The following BPGM variants were observed in gnomAD, a reference collection of about 807,000 sequenced individuals.
BPGM encodes bisphosphoglycerate mutase, also known as 2,3-bisphosphoglycerate mutase, erythrocyte.
A neutral mutation model predicts 21.6 loss-of-function variants in BPGM; 15 were observed. The ratio of observed to expected loss-of-function variants is 0.70; its 90% CI spans 0.47 to 1.07. The LOEUF (loss-of-function observed/expected upper bound fraction) is 1.07, where lower values mean the gene tolerates loss of function less well. Among genes scored for constraint, BPGM ranks in the 50% least tolerant of loss-of-function variants. BPGM has a pLI of 0.00. For synonymous variants in BPGM, 113 were observed against 116.2 expected (o/e 0.97, Z 0.18); for missense variants, 273 against 319.0 (o/e 0.86, Z 1.10).
rs6946952 is a variant in BPGM at position 134,658,190 on chromosome 7, G to T, written c.-61-3257G>T. On this transcript the variant is annotated intron_variant, in intron 1 of 2. Transcript: ENST00000344924. ...GGAGCTAAGTAGTAGGTACTCCTTT[G>T]ATTTTTTACATGAATTTTTAGGAGG... 0.58 allele frequency among the ~76,000 whole-genome samples: 88,377 copies of T among 151,796 alleles called. 26,712 individuals carry two copies. The highest frequency in any genetic ancestry group is 0.89 in the East Asian group (4,595 of 5,172).
intron 1 of BPGM, among the ~76,000 whole-genome samples, chr7:134,658,892 A>ATTTTTTT (rs1554411129): frequency 4.2e-5 from 6 of 143,900 alleles, no homozygotes; most frequent in African/African-American, 1.6e-4. Flanking sequence ...GTGTGTGTGT[A>ATTTTTTT]TTTTTTTTTT....
At chr7:134,674,927 T>A (rs147423944) in intron 2 of BPGM, among the ~76,000 whole-genome samples, 1 of 152,356 alleles carries the variant, frequency 6.6e-6, no homozygotes, top group Non-Finnish European at 1.5e-5. Flanking sequence ...CACACTTGTT[T>A]ATAATCTGAC....
chr7:134,670,706 T>G (rs954258882), intron 2 of BPGM, among the ~76,000 whole-genome samples: 1 of 152,180 alleles, frequency 6.6e-6, no homozygotes, highest in African/African-American at 2.4e-5. Flanking sequence ...TTATCACAGA[T>G]TGTCGGTGGG....
chr7:134,657,178 C>G (rs1795652173), intron 1 of BPGM, among the ~76,000 whole-genome samples: 1 of 152,168 alleles, frequency 6.6e-6, no homozygotes, highest in African/African-American at 2.4e-5. Flanking sequence ...TTCATTGTGC[C>G]TCGCATTATA....
chr7:134,678,812 T>C lies in BPGM; in HGVS notation c.602-41T>C, dbSNP rs771256038. On this transcript the variant is annotated intron_variant, in intron 2 of 2. Transcript: ENST00000344924. ...TAATTAAACAGAACTTCCTCCTGAG[T>C]TGTGTTTTAACACCTGGTCTCTTCC... 3 of 1,568,478 alleles carry C rather than the reference T, an allele frequency of 1.9e-6. No homozygotes were observed. In the South Asian group the frequency reaches 3.3e-5, roughly 17 times the overall value.
intron 2 of BPGM, among the ~76,000 whole-genome samples, chr7:134,674,574 G>A (rs558824727): frequency 1.3e-5 from 2 of 152,322 alleles, no homozygotes; most frequent in Admixed American, 1.3e-4. Context: ...CAAGAACCTT[G>A]TTGTGGTTTG....
At position 134,678,816 on chromosome 7, in the gene BPGM, GT is replaced by G. The variant is rs758248220; in HGVS notation, c.602-33del. ...TAAACAGAACTTCCTCCTGAGTTGT[GT>G]TTTAACACCTGGTCTCTTCCTGTCC... On this transcript the variant is annotated intron_variant, in intron 2 of 2. Transcript: ENST00000344924. The G allele has an allele frequency of 8.2e-6, 13 of 1,587,198 alleles. No individual in the cohort carries two copies. The Admixed American group carries it at 1.7e-4, about 20-fold the overall frequency.
intron 2 of BPGM, among the ~76,000 whole-genome samples, chr7:134,674,803 G>A (rs1351605778): frequency 2.0e-5 from 3 of 152,162 alleles, no homozygotes; most frequent in Non-Finnish European, 4.4e-5. Flanking sequence ...TGGGTCATAT[G>A]GTAGATCTGT....
intron 1 of BPGM, among the ~76,000 whole-genome samples, chr7:134,647,512 C>G (rs141763235): frequency 7.5e-4 from 114 of 152,298 alleles, no homozygotes; most frequent in African/African-American, 2.6e-3. Flanking sequence ...TTCTAAGGGA[C>G]GAGCTGGTAT....
intron 2 of BPGM, among the ~76,000 whole-genome samples, chr7:134,665,865 A>ATTTTCTTTTCTTTTCTTTTC (rs144380412): frequency 4.5e-4 from 68 of 150,430 alleles, no homozygotes; most frequent in African/African-American, 1.6e-3. Flanking sequence ...GATTAATGAC[A>ATTTTCTTTTCTTTTCTTTTC]TTTTCTTTTC....
At chr7:134,648,095 G>A (rs1043946542) in intron 1 of BPGM, among the ~76,000 whole-genome samples, 1 of 147,626 alleles carries the variant, frequency 6.8e-6, no homozygotes, top group Admixed American at 6.8e-5. Context: ...ACCGTGCCTG[G>A]CCTTGTCTTT....
intron 2 of BPGM, among the ~76,000 whole-genome samples, chr7:134,665,865 A>ATTTTCTTTTC (rs144380412): frequency 2.5e-4 from 38 of 150,428 alleles, no homozygotes; most frequent in African/African-American, 8.1e-4. Flanking sequence ...GATTAATGAC[A>ATTTTCTTTTC]TTTTCTTTTC....
chr7:134,671,834 G>A (rs959589152), intron 2 of BPGM, among the ~76,000 whole-genome samples: 2 of 152,150 alleles, frequency 1.3e-5, no homozygotes, highest in African/African-American at 2.4e-5. Context: ...TCTTGCAGTG[G>A]GTAAAGCACT....
In BPGM at chr7:134,675,366, A is replaced by G. The variant is rs1026568795; in HGVS notation, c.602-3487A>G. On this transcript the variant is annotated intron_variant, in intron 2 of 2. Coordinates refer to ENST00000344924, the MANE Select transcript of BPGM (RefSeq NM_001724.5). ...TTACTCCTATGGCTTTTTTTCTAAAAATTTTTACAATTTTAGCTCTTGACT... is the reference window on the plus strand; with the variant it reads ...TTACTCCTATGGCTTTTTTTCTAAAGATTTTTACAATTTTAGCTCTTGACT... Among the ~76,000 whole-genome samples the G allele has an allele frequency of 3.3e-5, 5 of 152,052 alleles. 1 individual carries two copies. The South Asian group carries it at 8.3e-4, about 25-fold the overall frequency.
At chr7:134,672,874 C>A (rs1795926587) in intron 2 of BPGM, among the ~76,000 whole-genome samples, 1 of 151,826 alleles carries the variant, frequency 6.6e-6, no homozygotes, top group African/African-American at 2.4e-5. Flanking sequence ...TCCTAATTTG[C>A]TGTTTTAAAA....
At chr7:134,670,850 G>T (rs1795892826) in intron 2 of BPGM, among the ~76,000 whole-genome samples, 1 of 151,770 alleles carries the variant, frequency 6.6e-6, no homozygotes, top group Non-Finnish European at 1.5e-5. Context: ...ACCGAATTGG[G>T]GTTTCTTCTT....
intron 1 of BPGM, among the ~76,000 whole-genome samples, chr7:134,659,533 C>G (rs775788907): frequency 8.5e-5 from 13 of 152,134 alleles, no homozygotes; most frequent in Non-Finnish European, 1.6e-4. Flanking sequence ...ACCTTTTGTT[C>G]CCTTCTCTGT....
At chr7:134,667,175 G>A (rs987037182) in intron 2 of BPGM, among the ~76,000 whole-genome samples, 25 of 152,182 alleles carry the variant, frequency 1.6e-4, no homozygotes, top group African/African-American at 6.0e-4. Flanking sequence ...GTTTAGGGGG[G>A]AAATAAAGGT....
chr7:134,663,695 A>C (rs945809800), intron 2 of BPGM, among the ~76,000 whole-genome samples: 2 of 152,140 alleles, frequency 1.3e-5, no homozygotes, highest in African/African-American at 4.8e-5. Flanking sequence ...TCTCAAGAAA[A>C]CACCACTATC....
Sources: gnomAD v4.1 joint callset for allele counts (sites outside exome capture counted in the v4.1 genomes callset) on GRCh38, gnomAD v4.1.1 for gene constraint, MANE v1.5 for transcripts, NCBI Gene and HGNC (gene_info 2026-07-23, HGNC 2026-07-21) for gene names.